The following NUMB variants were observed in gnomAD, a reference collection of about 807,000 sequenced individuals.
The protein encoded by NUMB is NUMB endocytic adaptor protein.
Under a neutral mutation model 59.7 loss-of-function variants are expected in NUMB, and 29 were observed. The ratio of observed to expected loss-of-function variants is 0.49; its 90% confidence interval spans 0.36 to 0.66. The LOEUF is 0.66. NUMB is among the 30% of genes least tolerant of loss of function. The pLI, the probability that NUMB is intolerant of heterozygous loss-of-function variation, is 0.00. For missense variants in NUMB, 723 were observed against 822.0 expected, an observed-to-expected ratio of 0.88 and a Z score of 1.47; for synonymous variants, 288 against 288.2, an observed-to-expected ratio of 1.00 and a Z score of 0.01.
intron 2 of NUMB, among the ~76,000 whole-genome samples, chr14:73,369,256 T>C (rs1894546384): frequency 6.6e-6 from 1 of 152,150 alleles, no homozygotes; most frequent in African/African-American, 2.4e-5. Context: ...TTGGCCAGGC[T>C]GGTCTCGAAC....
At chr14:73,286,823 A>G in intron 9 of NUMB, 1 of 412,990 alleles carries the variant, frequency 2.4e-6, no homozygotes, top group Non-Finnish European at 4.5e-6. Flanking sequence ...ATCAGAATTA[A>G]AAAGGTATTT....
At chr14:73,338,041 T>C (rs771478031) in intron 4 of NUMB, among the ~76,000 whole-genome samples, 3 of 152,078 alleles carry the variant, frequency 2.0e-5, no homozygotes, top group Non-Finnish European at 2.9e-5. Context: ...TCCCAGCACT[T>C]TGGGAAGCTG....
intron 3 of NUMB, among the ~76,000 whole-genome samples, chr14:73,358,882 A>G (rs934326524): frequency 9.2e-5 from 14 of 152,182 alleles, no homozygotes; most frequent in African/African-American, 3.1e-4. Flanking sequence ...CTAGGTAGGA[A>G]AAGTCTCAAC....
intron 6 of NUMB, among the ~76,000 whole-genome samples, chr14:73,307,389 T>C (rs998550942): frequency 1.3e-5 from 2 of 151,814 alleles, no homozygotes; most frequent in Non-Finnish European, 2.9e-5. Flanking sequence ...TTTTAAGAAG[T>C]TGTCAGTAAA....
intron 7 of NUMB, among the ~76,000 whole-genome samples, chr14:73,294,217 G>A (rs949799716): frequency 1.3e-5 from 2 of 152,010 alleles, no homozygotes; most frequent in African/African-American, 2.4e-5. Flanking sequence ...GGGCGTTTTT[G>A]TTCTTTTTTT....
At chr14:73,339,352 T>C (rs192909402) in intron 4 of NUMB, among the ~76,000 whole-genome samples, 2 of 152,274 alleles carry the variant, frequency 1.3e-5, no homozygotes, top group East Asian at 3.9e-4. Flanking sequence ...CTGTACCTTT[T>C]GCTCTAAACA....
intron 2 of NUMB, among the ~76,000 whole-genome samples, chr14:73,378,020 T>TACACAC (rs760071335): frequency 9.6e-4 from 129 of 134,102 alleles, no homozygotes; most frequent in Non-Finnish European, 1.5e-3. Flanking sequence ...CACACACACA[T>TACACAC]ACACACACAC....
chr14:73,312,798 A>G (rs1890848773), intron 6 of NUMB, among the ~76,000 whole-genome samples: 1 of 151,618 alleles, frequency 6.6e-6, no homozygotes, highest in Non-Finnish European at 1.5e-5. Flanking sequence ...TGCTTCTGAT[A>G]TTTCTTTTTA....
chr14:73,278,842 C>G (rs532540301), intron 12 of NUMB, among the ~76,000 whole-genome samples: 1 of 150,738 alleles, frequency 6.6e-6, no homozygotes, highest in South Asian at 2.1e-4. Context: ...ATTCTCCTGC[C>G]TCGGCCTCCT....
intron 2 of NUMB, among the ~76,000 whole-genome samples, chr14:73,372,185 ATCATGCCACTGCAC>A (rs1425534150): frequency 4.6e-5 from 7 of 151,140 alleles, no homozygotes; most frequent in Admixed American, 2.0e-4. Flanking sequence ...GTGACCCAAG[ATCATGCCACTGCAC>A]TCCAGCCTGG....
chr14:73,418,845 C>T (rs1897238262), intron 1 of NUMB, among the ~76,000 whole-genome samples: 1 of 151,980 alleles, frequency 6.6e-6, no homozygotes, highest in South Asian at 2.1e-4. Flanking sequence ...CATATCACAA[C>T]TTCTAGACTG....
At chr14:73,439,399 A>C (rs933106385) in intron 1 of NUMB, among the ~76,000 whole-genome samples, 75 of 152,350 alleles carry the variant, frequency 4.9e-4, no homozygotes, top group Non-Finnish European at 1.9e-4. Context: ...TTAGAGTTAA[A>C]CATTCTAAAA....
chr14:73,284,196 T>G lies in NUMB; in HGVS notation c.834A>C (p.Arg278=). The G allele has an allele frequency of 6.2e-7, 1 of 1,614,138 alleles. No homozygotes were observed. Among genetic ancestry groups the G allele is most frequent in the South Asian group, 1.1e-5 (1 of 91,076 alleles). The change falls in exon 10 of 13, where the codon CGA becomes CGC. Residue 278 remains arginine, a synonymous_variant. Coordinates refer to ENST00000555238, the MANE Select transcript of NUMB (RefSeq NM_001005743.2). ...TCTTCTGGCTAAGAGCAGGAAAACC[T>G]CGGAAAGAGCCTTGGCGAGCAAGCT... ...IEQLARQGSF[R]GFPALSQKMS...
chr14:73,419,608 T>C (rs1186610074), intron 1 of NUMB, among the ~76,000 whole-genome samples: 1 of 152,162 alleles, frequency 6.6e-6, no homozygotes, highest in Non-Finnish European at 1.5e-5. Flanking sequence ...GAATAAACTA[T>C]TGAAATTTGA....
intron 1 of NUMB, among the ~76,000 whole-genome samples, chr14:73,428,003 T>C (rs1455146449): frequency 6.6e-6 from 1 of 152,146 alleles, no homozygotes; most frequent in Admixed American, 6.6e-5. Flanking sequence ...CTTTGTTGAG[T>C]GGGCCTAAGC....
chr14:73,399,383 G>A (rs531782097), intron 2 of NUMB, among the ~76,000 whole-genome samples: 1 of 151,970 alleles, frequency 6.6e-6, no homozygotes, highest in South Asian at 2.1e-4. Context: ...GACGAAAATG[G>A]AGAAACCCTG....
chr14:73,337,250 C>A (rs1304147047), intron 4 of NUMB, among the ~76,000 whole-genome samples: 2 of 152,166 alleles, frequency 1.3e-5, no homozygotes, highest in South Asian at 2.1e-4. Context: ...GTGCCTCACA[C>A]CTGTAATCCC....
intron 8 of NUMB, among the ~76,000 whole-genome samples, chr14:73,290,994 C>T (rs1193368604): frequency 6.6e-6 from 1 of 151,940 alleles, no homozygotes; most frequent in Admixed American, 6.6e-5. Context: ...TGAAATTATT[C>T]TCTATTTTAA....
At chr14:73,420,500 G>GA (rs1443370067) in intron 1 of NUMB, among the ~76,000 whole-genome samples, 1 of 152,030 alleles carries the variant, frequency 6.6e-6, no homozygotes, top group Non-Finnish European at 1.5e-5. Flanking sequence ...TGTAGGTGGG[G>GA]AAATTACCAC....
Sources: allele counts gnomAD v4.1 joint callset (sites outside exome capture counted in the v4.1 genomes callset), GRCh38; gene constraint gnomAD v4.1.1; transcripts MANE v1.5; gene names NCBI Gene and HGNC (gene_info 2026-07-23, HGNC 2026-07-21).